The following BCL2L1 variants were observed in gnomAD, a reference collection of about 807,000 sequenced individuals.
BCL2L1 encodes bcl-2-like protein 1.
A neutral mutation model predicts 18.7 loss-of-function variants in BCL2L1; 1 was observed. The ratio of observed to expected loss-of-function variants is 0.05; its 90% CI spans 0.02 to 0.25. The LOEUF (loss-of-function observed/expected upper bound fraction) is 0.25. BCL2L1 is among the 10% of genes least tolerant of loss of function. The probability of loss-of-function intolerance (pLI) is 1.00; values close to 1 mark genes in which losing one functional copy is unlikely to be tolerated. For missense variants in BCL2L1, 207 were observed against 304.9 expected (o/e 0.68, Z 2.39); for synonymous variants, 103 against 122.7 (o/e 0.84, Z 1.06).
intron 2 of BCL2L1, among the ~76,000 whole-genome samples, chr20:31,705,160 TC>T (rs770946122): frequency 8.5e-5 from 13 of 152,232 alleles, no homozygotes; most frequent in African/African-American, 1.2e-4. Context: ...TGAACAACTT[TC>T]TTAACTTCTC....
intron 2 of BCL2L1, among the ~76,000 whole-genome samples, chr20:31,701,427 C>G (rs1348980200): frequency 6.6e-6 from 1 of 152,204 alleles, no homozygotes; most frequent in African/African-American, 2.4e-5. Flanking sequence ...GGCATAAAAA[C>G]TGCTCAGTTC....
intron 2 of BCL2L1, among the ~76,000 whole-genome samples, chr20:31,715,717 C>T (rs1275249010): frequency 2.0e-5 from 3 of 152,158 alleles, no homozygotes; most frequent in Non-Finnish European, 4.4e-5. Flanking sequence ...AAGAGTAGCT[C>T]TGAAAAGCTG....
At chr20:31,696,339 G>A (rs2061169691) in intron 2 of BCL2L1, among the ~76,000 whole-genome samples, 2 of 152,208 alleles carry the variant, frequency 1.3e-5, no homozygotes, top group Non-Finnish European at 2.9e-5. Flanking sequence ...GTACCCCATG[G>A]CAGCGGTCAA....
At chr20:31,685,318 T>G (rs1236740329) in intron 2 of BCL2L1, among the ~76,000 whole-genome samples, 4 of 150,684 alleles carry the variant, frequency 2.7e-5, no homozygotes, top group Non-Finnish European at 5.9e-5. Context: ...GAGAATGGCG[T>G]GAACCCAGGA....
intron 2 of BCL2L1, among the ~76,000 whole-genome samples, chr20:31,684,728 G>A (rs1341973577): frequency 1.3e-5 from 2 of 152,190 alleles, no homozygotes; most frequent in Non-Finnish European, 1.5e-5. Context: ...CTATTAAGAA[G>A]GGACCATCCA....
chr20:31,676,200 G>T lies in BCL2L1; in HGVS notation c.565-10114C>A, dbSNP rs182628624. On this transcript the variant is annotated intron_variant, in intron 2 of 2. Coordinates refer to ENST00000307677, the MANE Select transcript of BCL2L1 (RefSeq NM_138578.3). The stretch of plus-strand genomic sequence containing the variant: ...TGGGGGCTCATAACCTCCTTCCCTG[G>T]AACCGATGGAGATAAAACAGCTGAT... Among the ~76,000 whole-genome samples, 156 of 152,276 alleles carry T rather than the reference G, an allele frequency of 1.0e-3. 1 individual carries two copies. The South Asian group carries it at 0.011, about 11-fold the overall frequency.
At chr20:31,678,085 T>C (rs182676682) in intron 2 of BCL2L1, among the ~76,000 whole-genome samples, 173 of 152,326 alleles carry the variant, frequency 1.1e-3, no homozygotes, top group African/African-American at 4.0e-3. Flanking sequence ...AGGAAGCTTA[T>C]GGGAAAGTTC....
rs2060580248 is a variant in BCL2L1 at position 31,665,978 on chromosome 20, G to A, written c.673C>T (p.Leu225=). The A allele has an allele frequency of 6.2e-7, 1 of 1,613,856 alleles. No homozygotes were observed. The highest frequency in any genetic ancestry group is 1.3e-5 in the African/African-American group (1 of 74,876). Residue 225 remains leucine, a synonymous_variant, in exon 3 of 3, where the codon CTG becomes TTG. Transcript: ENST00000307677. ...TTCCGACTGAAGAGTGAGCCCAGCA[G>A]AACCACGCCGGCCACAGTCATGCCC... ...LTGMTVAGVV[L]LGSLFSRK
chr20:31,676,518 A>G (rs1162826673), intron 2 of BCL2L1, among the ~76,000 whole-genome samples: 1 of 151,900 alleles, frequency 6.6e-6, no homozygotes, highest in Non-Finnish European at 1.5e-5. Context: ...CGTCATCTCA[A>G]CTCTCTCATT....
At chr20:31,705,356 G>A (rs1348770372) in intron 2 of BCL2L1, among the ~76,000 whole-genome samples, 1 of 152,070 alleles carries the variant, frequency 6.6e-6, no homozygotes, top group Non-Finnish European at 1.5e-5. Flanking sequence ...AAAACCCTAT[G>A]AAGTATTATT....
At chr20:31,716,825 T>C (rs1054250741) in intron 2 of BCL2L1, 1 of 152,248 alleles carries the variant, frequency 6.6e-6, no homozygotes, top group Non-Finnish European at 1.5e-5. Context: ...AAAAAAAGAC[T>C]CAGTCCCTCT....
Position 31,722,116 on chromosome 20 carries a change from T to A in BCL2L1, c.103A>T (p.Thr35Ser). 5 of 1,558,674 alleles carry A rather than the reference T, an allele frequency of 3.2e-6. No homozygotes were observed. Among genetic ancestry groups the A allele is most frequent in the Non-Finnish European group, 4.3e-6 (5 of 1,154,896 alleles). Reference sequence around the variant, plus strand: ...GATTCAGTCCCTTCTGGGGCCTCAGTCCTGTTCTCTTCCACATCACTAAAC... The same window carrying A: ...GATTCAGTCCCTTCTGGGGCCTCAGACCTGTTCTCTTCCACATCACTAAAC... ...SQFSDVEENR[T>S]EAPEGTESEM... The change falls in exon 2 of 3, where the codon ACT becomes TCT. Residue 35 changes from threonine (T) to serine (S), a missense_variant. Thr to Ser is a moderately conservative substitution (Grantham distance 58). Transcript: ENST00000307677.
chr20:31,718,832 G>A (rs545999871), intron 2 of BCL2L1, among the ~76,000 whole-genome samples: 21 of 152,294 alleles, frequency 1.4e-4, no homozygotes, highest in Non-Finnish European at 2.5e-4. Flanking sequence ...AACAAAGCCA[G>A]TTATCAGTCC....
intron 2 of BCL2L1, among the ~76,000 whole-genome samples, chr20:31,675,096 C>T (rs944753767): frequency 1.3e-5 from 2 of 152,120 alleles, no homozygotes; most frequent in African/African-American, 4.8e-5. Context: ...GAAACCCTTC[C>T]GTCCTGGCTT....
chr20:31,688,287 T>A (rs2060995973), intron 2 of BCL2L1, among the ~76,000 whole-genome samples: 1 of 151,264 alleles, frequency 6.6e-6, no homozygotes, highest in Non-Finnish European at 1.5e-5. Context: ...CTACTAAAAA[T>A]ACAAAAATTA....
At chr20:31,696,028 C>T (rs1294623327) in intron 2 of BCL2L1, among the ~76,000 whole-genome samples, 1 of 152,166 alleles carries the variant, frequency 6.6e-6, no homozygotes, top group Non-Finnish European at 1.5e-5. Flanking sequence ...AATACTCCCA[C>T]TTCAGCTTCC....
chr20:31,712,006 C>T (rs1440021992), intron 2 of BCL2L1, among the ~76,000 whole-genome samples: 1 of 152,184 alleles, frequency 6.6e-6, no homozygotes, highest in Non-Finnish European at 1.5e-5. Context: ...ACAACACCTA[C>T]TTTGCAAGAT....
chr20:31,709,887 T>C (rs963031912), intron 2 of BCL2L1, among the ~76,000 whole-genome samples: 11 of 146,636 alleles, frequency 7.5e-5, no homozygotes, highest in Non-Finnish European at 1.0e-4. Context: ...GGTTTTGTCA[T>C]ATTGGCCAGG....
At chr20:31,718,655 CAAAAAAAAAAAA>C (rs969020819) in intron 2 of BCL2L1, among the ~76,000 whole-genome samples, 1 of 66,110 alleles carries the variant, frequency 1.5e-5, no homozygotes, top group Non-Finnish European at 3.0e-5. Context: ...GACTCCGTCT[CAAAAAAAAAAAA>C]AAAAAGAAAA....
Sources: gnomAD v4.1 joint callset for allele counts (sites outside exome capture counted in the v4.1 genomes callset) on GRCh38, gnomAD v4.1.1 for gene constraint, MANE v1.5 for transcripts, NCBI Gene and HGNC (gene_info 2026-07-23, HGNC 2026-07-21) for gene names.